Variants in KCND3 observed in about 807,000 individuals in gnomAD.
KCND3 encodes A-type voltage-gated potassium channel KCND3.
A neutral mutation model predicts 51.1 loss-of-function variants in KCND3; 9 were observed. The observed-to-expected ratio is 0.18, with a 90% CI of 0.11 to 0.31. The LOEUF is 0.31. Ranked by LOEUF, KCND3 falls within the 10% of genes least tolerant of loss-of-function variation. KCND3 has a pLI of 1.00. For synonymous variants in KCND3, 349 were observed against 368.0 expected (o/e 0.95, Z 0.59); for missense variants, 526 against 903.8 (o/e 0.58, Z 5.36).
intron 3 of KCND3, among the ~76,000 whole-genome samples, chr1:111,786,103 C>T (rs1664594115): frequency 6.6e-6 from 1 of 152,218 alleles, no homozygotes; most frequent in Non-Finnish European, 1.5e-5. Context: ...ACCGCTTTCC[C>T]ACTTCCCCAA....
At chr1:111,810,809 AGTCT>A (rs1437399772) in intron 2 of KCND3, among the ~76,000 whole-genome samples, 4 of 152,032 alleles carry the variant, frequency 2.6e-5, no homozygotes, top group Non-Finnish European at 5.9e-5. Flanking sequence ...TTTTTTCCAG[AGTCT>A]GTCTGGGTTT....
At chr1:111,866,579 A>ACACACACACACAC (rs1668581640) in intron 2 of KCND3, among the ~76,000 whole-genome samples, 3 of 126,744 alleles carry the variant, frequency 2.4e-5, no homozygotes, top group Admixed American at 8.2e-5. Flanking sequence ...TGTTTCTTTA[A>ACACACACACACAC]ACACACACAC....
At chr1:111,915,028 G>A (rs558564533) in intron 2 of KCND3, among the ~76,000 whole-genome samples, 1 of 152,140 alleles carries the variant, frequency 6.6e-6, no homozygotes, top group African/African-American at 2.4e-5. Flanking sequence ...GTTTTTTATA[G>A]TATACATGAA....
chr1:111,941,336 C>T (rs902102164), intron 2 of KCND3, among the ~76,000 whole-genome samples: 2 of 152,112 alleles, frequency 1.3e-5, no homozygotes, highest in African/African-American at 2.4e-5. Context: ...CCCCTCCTAC[C>T]TCCCCACCTG....
intron 2 of KCND3, among the ~76,000 whole-genome samples, chr1:111,901,174 G>A (rs1468731868): frequency 6.6e-6 from 1 of 152,150 alleles, no homozygotes; most frequent in East Asian, 1.9e-4. Flanking sequence ...ATAAAAGCAG[G>A]TAATTAAGGA....
intron 2 of KCND3, among the ~76,000 whole-genome samples, chr1:111,791,691 TGAC>T (rs1450579534): frequency 2.6e-5 from 4 of 152,354 alleles, no homozygotes; most frequent in Non-Finnish European, 5.9e-5. Context: ...CATTTCTAAA[TGAC>T]AGAGCTACTA....
intron 2 of KCND3, among the ~76,000 whole-genome samples, chr1:111,966,909 G>C (rs1182514086): frequency 6.6e-6 from 1 of 152,130 alleles, no homozygotes; most frequent in Non-Finnish European, 1.5e-5. Flanking sequence ...GGGAGGCCAA[G>C]GTGGGCGGAA....
intron 2 of KCND3, among the ~76,000 whole-genome samples, chr1:111,971,792 T>C (rs908738935): frequency 3.3e-5 from 5 of 152,160 alleles, no homozygotes; most frequent in African/African-American, 1.2e-4. Context: ...CCAACCTCCA[T>C]ACCTCTACTC....
At chr1:111,829,601 G>A (rs184161845) in intron 2 of KCND3, among the ~76,000 whole-genome samples, 2 of 152,232 alleles carry the variant, frequency 1.3e-5, no homozygotes, top group Admixed American at 1.3e-4. Context: ...AGTGTCCCCG[G>A]TCTCACTCTG....
chr1:111,778,360 G>T (rs1371041705), intron 6 of KCND3, 76 bp downstream of exon 6: 1 of 1,358,536 alleles, frequency 7.4e-7, no homozygotes, highest in East Asian at 2.3e-5. Flanking sequence ...CCAGGCCGGG[G>T]GGTAAAAAGG....
chr1:111,935,638 A>T (rs1672183361), intron 2 of KCND3, among the ~76,000 whole-genome samples: 1 of 152,190 alleles, frequency 6.6e-6, no homozygotes, highest in Non-Finnish European at 1.5e-5. Flanking sequence ...CTTTTGCTGA[A>T]CACTCAAGTG....
intron 2 of KCND3, among the ~76,000 whole-genome samples, chr1:111,979,973 G>A (rs1258834214): frequency 2.6e-5 from 4 of 152,172 alleles, no homozygotes. Context: ...ACTAGAAGTG[G>A]AAGTGAGGTG....
At chr1:111,839,570 T>G (rs998929975) in intron 2 of KCND3, among the ~76,000 whole-genome samples, 18 of 152,248 alleles carry the variant, frequency 1.2e-4, no homozygotes, top group African/African-American at 4.1e-4. Flanking sequence ...TATTTAAGGG[T>G]TTGATAGTCA....
chr1:111,856,833 C>G (rs1668096161), intron 2 of KCND3: 1 of 152,312 alleles, frequency 6.6e-6, no homozygotes, highest in South Asian at 2.1e-4. Flanking sequence ...GAGATCCTGT[C>G]CCCTGTCCTC....
intron 1 of KCND3, among the ~76,000 whole-genome samples, chr1:111,987,662 C>T (rs1675363261): frequency 1.3e-5 from 2 of 152,202 alleles, no homozygotes; most frequent in African/African-American, 4.8e-5. Context: ...TGACAGGAGC[C>T]AACACCTTCC....
chr1:111,947,938 G>A (rs1198214810), intron 2 of KCND3, among the ~76,000 whole-genome samples: 1 of 152,206 alleles, frequency 6.6e-6, no homozygotes. Flanking sequence ...GGGACTATGT[G>A]TGTATATATG....
chr1:111,848,723 G>T (rs1437247842), intron 2 of KCND3, among the ~76,000 whole-genome samples: 2 of 152,196 alleles, frequency 1.3e-5, no homozygotes, highest in Non-Finnish European at 2.9e-5. Flanking sequence ...GACCTTGGGA[G>T]AATTATTTCA....
chr1:111,985,132 AG>A (rs1675197081), intron 1 of KCND3, among the ~76,000 whole-genome samples: 2 of 152,324 alleles, frequency 1.3e-5, no homozygotes, highest in South Asian at 4.1e-4. Context: ...GGAAAGCTAA[AG>A]CTTACTGAGA....
chr1:111,881,771 T>A (rs1669338434), intron 2 of KCND3, among the ~76,000 whole-genome samples: 1 of 152,204 alleles, frequency 6.6e-6, no homozygotes, highest in African/African-American at 2.4e-5. Flanking sequence ...AGACTAGATG[T>A]CTTTGCATCC....
Sources: gnomAD v4.1 joint callset for allele counts (sites outside exome capture counted in the v4.1 genomes callset) on GRCh38, gnomAD v4.1.1 for gene constraint, MANE v1.5 for transcripts, NCBI Gene and HGNC (gene_info 2026-07-23, HGNC 2026-07-21) for gene names.